Variants in ZCCHC24 observed in about 807,000 individuals in gnomAD.
The protein encoded by ZCCHC24 is zinc finger CCHC-type containing 24, also known as zinc finger CCHC domain-containing protein 24.
A neutral mutation model predicts 26.2 loss-of-function variants in ZCCHC24; 10 were observed. The ratio of observed to expected loss-of-function variants is 0.38; its 90% CI spans 0.24 to 0.65. The LOEUF is 0.65. Among genes scored for constraint, ZCCHC24 ranks in the 30% least tolerant of loss-of-function variants. The pLI is 0.54. For synonymous variants in ZCCHC24, 144 were observed against 147.1 expected (o/e 0.98, Z 0.15); for missense variants, 243 against 329.1 (o/e 0.74, Z 2.03).
chr10:79,437,035 C>T (rs542880874), intron 1 of ZCCHC24, among the ~76,000 whole-genome samples: 35 of 152,206 alleles, frequency 2.3e-4, no homozygotes, highest in African/African-American at 7.0e-4. Flanking sequence ...GGTGGGAAGA[C>T]GTTATAGTTT....
intron 2 of ZCCHC24, among the ~76,000 whole-genome samples, chr10:79,432,288 C>G (rs1857140545): frequency 6.6e-6 from 1 of 152,272 alleles, no homozygotes; most frequent in Admixed American, 6.5e-5. Flanking sequence ...ACAGAACCTC[C>G]TTTGGGGGCC....
At chr10:79,444,626 G>GT (rs1857336230) in intron 1 of ZCCHC24, among the ~76,000 whole-genome samples, 1 of 152,328 alleles carries the variant, frequency 6.6e-6, no homozygotes, top group Admixed American at 6.5e-5. Flanking sequence ...GCTGGAGGAC[G>GT]TATCTGGGGT....
chr10:79,410,659 G>A (rs1856777655), intron 2 of ZCCHC24, among the ~76,000 whole-genome samples: 1 of 152,176 alleles, frequency 6.6e-6, no homozygotes, highest in Non-Finnish European at 1.5e-5. Flanking sequence ...AGTATGGGAA[G>A]CCAGGGAAGC....
chr10:79,402,936 A>C (rs1016582202), intron 2 of ZCCHC24, among the ~76,000 whole-genome samples: 3 of 152,212 alleles, frequency 2.0e-5, no homozygotes, highest in East Asian at 1.9e-4. Flanking sequence ...TTGTTCACCT[A>C]ATTTACACTG....
At chr10:79,433,889 G>A (rs61862460) in intron 1 of ZCCHC24, among the ~76,000 whole-genome samples, 8,413 of 152,308 alleles carry the variant, frequency 0.055, 319 homozygotes, top group African/African-American at 0.1. Context: ...CATAGGCAGG[G>A]GAGGGAGGCG....
chr10:79,411,736 G>C (rs543767767), intron 2 of ZCCHC24, among the ~76,000 whole-genome samples: 10 of 152,168 alleles, frequency 6.6e-5, no homozygotes, highest in Non-Finnish European at 1.5e-4. Context: ...CCAGGCCAGT[G>C]CTAGGGAGAG....
intron 3 of ZCCHC24, among the ~76,000 whole-genome samples, chr10:79,392,995 G>A (rs563947488): frequency 7.2e-5 from 11 of 152,078 alleles, no homozygotes; most frequent in South Asian, 2.1e-4. Flanking sequence ...GCACTCTCCC[G>A]ACCCCACCCC....
intron 2 of ZCCHC24, among the ~76,000 whole-genome samples, chr10:79,411,855 A>T (rs1215268185): frequency 6.6e-6 from 1 of 151,986 alleles, no homozygotes; most frequent in African/African-American, 2.4e-5. Flanking sequence ...CCACTCTGAG[A>T]AGGTTTCTCA....
chr10:79,383,834 A>T lies in ZCCHC24; in HGVS notation c.*2511T>A, dbSNP rs1160213804. The T allele has an allele frequency of 6.5e-6, 1 of 152,724 alleles. No homozygotes were observed. The highest frequency in any genetic ancestry group is 1.5e-5 in the Non-Finnish European group (1 of 68,038). The allele number at this position is 152,724 out of a possible 1,614,324, so 9.5% of individuals were successfully genotyped here. A position where few individuals can be genotyped will look rare whatever the true frequency, so the allele number is the denominator to read the frequency against. On this transcript the variant is annotated 3_prime_UTR_variant, in exon 4 of 4. Coordinates refer to ENST00000372336, the MANE Select transcript of ZCCHC24 (RefSeq NM_153367.4). ...TCTGTGTCAAGTATAACTCAAAATA[A>T]ATACAAATTCACAAGTAGAACTATT... is the stretch of plus-strand genomic sequence containing the variant.
intron 1 of ZCCHC24, among the ~76,000 whole-genome samples, chr10:79,433,694 G>C (rs189733472): frequency 6.6e-6 from 1 of 152,318 alleles, no homozygotes; most frequent in East Asian, 1.9e-4. Flanking sequence ...AGGTGCCCAA[G>C]AACTGCAGGA....
At chr10:79,431,477 G>A (rs1857127408) in intron 2 of ZCCHC24, among the ~76,000 whole-genome samples, 1 of 152,180 alleles carries the variant, frequency 6.6e-6, no homozygotes, top group Non-Finnish European at 1.5e-5. Flanking sequence ...TGGGGACCTT[G>A]CTAAGATGCT....
chr10:79,415,526 CT>C (rs1158640953), intron 2 of ZCCHC24, among the ~76,000 whole-genome samples: 1 of 152,196 alleles, frequency 6.6e-6, no homozygotes, highest in Non-Finnish European at 1.5e-5. Context: ...CGGTTTCAAC[CT>C]TTTGCCTTCC....
At chr10:79,438,465 C>T (rs7893619) in intron 1 of ZCCHC24, among the ~76,000 whole-genome samples, 1 of 152,034 alleles carries the variant, frequency 6.6e-6, no homozygotes, top group Admixed American at 6.5e-5. Context: ...CATGGCCACA[C>T]CTTGACTGAG....
intron 1 of ZCCHC24, among the ~76,000 whole-genome samples, chr10:79,435,020 T>TCC (rs1857196293): frequency 6.6e-6 from 1 of 151,924 alleles, no homozygotes; most frequent in Non-Finnish European, 1.5e-5. Flanking sequence ...TTATCTTGAC[T>TCC]CGAAGACTTT....
rs768289331 is a variant in ZCCHC24 at position 79,386,356 on chromosome 10, G to A, written c.715C>T (p.Arg239Cys). The A allele has an allele frequency of 1.7e-5, 28 of 1,613,042 alleles. No individual in the cohort carries two copies. Among genetic ancestry groups the A allele is most frequent in the Admixed American group, 6.7e-5 (4 of 59,964 alleles). ...KCKVLGYYCR[R>C]VQ ...GGGCGGGCAGCCCGTCACTGCACGC[G>A]ACGGCAGTAGTAGCCCAGGACCTTG... The change falls in exon 4 of 4, where the codon CGC (arginine) becomes TGC (cysteine). Residue 239 changes from arginine to cysteine, a missense_variant. Physicochemically the swap from Arg to Cys is radical, Grantham distance 180. Coordinates refer to ENST00000372336, the MANE Select transcript of ZCCHC24 (RefSeq NM_153367.4).
In ZCCHC24 at chr10:79,445,263, G is replaced by C. The variant is rs895107511; in HGVS notation, c.178C>G (p.Pro60Ala). The change falls in exon 1 of 4, where the codon CCC becomes GCC. Residue 60 changes from proline (P) to alanine (A), a missense_variant. Coordinates refer to ENST00000372336, the MANE Select transcript of ZCCHC24 (RefSeq NM_153367.4). ...TGCAGGGGCGAGCCCAGCTGCTCGG[G>C]GCGGCCCTTGCCGAAGGCCAGCTCC... ...PPELAFGKGR[P>A]EQLGSPLHSS... 1 of 1,447,566 alleles carries C rather than the reference G, an allele frequency of 6.9e-7. No homozygotes were observed. Among genetic ancestry groups the C allele is most frequent in the African/African-American group, 1.5e-5 (1 of 67,644 alleles). 89.7% of individuals were successfully genotyped at this position (1,447,566 alleles called of 1,614,324 possible). A position where few individuals can be genotyped will look rare whatever the true frequency, so the allele number is the denominator to read the frequency against.
chr10:79,434,615 A>G (rs1857188649), intron 1 of ZCCHC24, among the ~76,000 whole-genome samples: 1 of 152,128 alleles, frequency 6.6e-6, no homozygotes, highest in African/African-American at 2.4e-5. Flanking sequence ...GTGTGCCCCA[A>G]CCTGTATTGA....
chr10:79,434,466 T>A (rs942786481), intron 1 of ZCCHC24, among the ~76,000 whole-genome samples: 15 of 152,126 alleles, frequency 9.9e-5, no homozygotes, highest in African/African-American at 3.4e-4. Context: ...AGAGTTCTGA[T>A]AAAAACCACA....
chr10:79,405,912 T>C (rs1856705672), intron 2 of ZCCHC24, among the ~76,000 whole-genome samples: 1 of 152,258 alleles, frequency 6.6e-6, no homozygotes, highest in Non-Finnish European at 1.5e-5. Context: ...CACTGCTGCC[T>C]GGCAAGAGGC....
Sources: allele counts gnomAD v4.1 joint callset (sites outside exome capture counted in the v4.1 genomes callset), GRCh38; gene constraint gnomAD v4.1.1; transcripts MANE v1.5; gene names NCBI Gene and HGNC (gene_info 2026-07-23, HGNC 2026-07-21).